Variants in CRPPA observed in about 807,000 individuals in gnomAD.
The protein encoded by CRPPA is CDP-L-ribitol pyrophosphorylase A.
A neutral mutation model predicts 52.0 loss-of-function variants in CRPPA; 43 were observed. The ratio of observed to expected loss-of-function variants is 0.83; its 90% CI spans 0.65 to 1.07. CRPPA has a LOEUF of 1.07. Ranked by LOEUF, CRPPA falls within the 50% of genes least tolerant of loss-of-function variation. The probability of loss-of-function intolerance (pLI) is 0.00; values close to 1 mark genes in which losing one functional copy is unlikely to be tolerated. For missense variants in CRPPA, 629 were observed against 551.7 expected (o/e 1.14, Z -1.40); for synonymous variants, 250 against 203.5 (o/e 1.23, Z -1.94).
rs191370986 is a variant in CRPPA, at chr7:16,180,902, A to C, written c.1251+35164T>G. 2.6e-5 allele frequency among the ~76,000 whole-genome samples: 4 copies of C among 152,158 alleles called. No homozygotes were observed. The East Asian group carries it at 7.7e-4, about 29-fold the overall frequency. On this transcript the variant is annotated intron_variant, in intron 9 of 9. Transcript: ENST00000407010. ...CTAAGATGGCTGAACTTGCATCTCC[A>C]AACTGCTATGGTGCCTTATTCTTGT...
chr7:16,199,854 CTTTTTTTTTTTT>C (rs68003825), intron 9 of CRPPA, among the ~76,000 whole-genome samples: 1 of 120,114 alleles, frequency 8.3e-6, no homozygotes, highest in Admixed American at 8.6e-5. Context: ...TAAGCTTTTT[CTTTTTTTTTTTT>C]TTTTTTTTGA....
intron 9 of CRPPA, among the ~76,000 whole-genome samples, chr7:16,116,733 A>G (rs1782383565): frequency 6.6e-6 from 1 of 150,454 alleles, no homozygotes; most frequent in South Asian, 2.1e-4. Flanking sequence ...ACAAACAAAC[A>G]TTCCAGAATA....
rs963093649 is a variant in CRPPA at position 16,260,960 on chromosome 7, T to C, written c.934-1948A>G. Among the ~76,000 whole-genome samples, 4 of 152,002 alleles carry C rather than the reference T, an allele frequency of 2.6e-5. No individual in the cohort carries two copies. In the East Asian group the frequency reaches 7.7e-4, roughly 29 times the overall value. ...AGAAAAATATCTTGTGTCAAGAAAA[T>C]AGTGTATGTTCTTAAAATGAACAAT... On this transcript the variant is annotated intron_variant, in intron 6 of 9. Transcript: ENST00000407010.
chr7:16,368,658 A>G (rs146526729), intron 3 of CRPPA, among the ~76,000 whole-genome samples: 1 of 152,346 alleles, frequency 6.6e-6, no homozygotes, highest in African/African-American at 2.4e-5. Context: ...ACACTCTAAC[A>G]TCAACAATTT....
At position 16,329,020 on chromosome 7, in the gene CRPPA, A is replaced by G. The variant is rs114357360; in HGVS notation, c.685-20393T>C. 5.4e-3 allele frequency among the ~76,000 whole-genome samples: 829 copies of G among 152,312 alleles called. 8 individuals carry two copies. The highest frequency in any genetic ancestry group is 0.018 in the African/African-American group (760 of 41,566). On this transcript the variant is annotated intron_variant, in intron 3 of 9. Coordinates refer to ENST00000407010, the MANE Select transcript of CRPPA (RefSeq NM_001101426.4). ...AAATCATTAAGACAAGTAACATACT[A>G]TAAGTCCACAATGGCAAAATTCATG...
chr7:16,412,407 C>T lies in CRPPA; in HGVS notation c.258-6070G>A, dbSNP rs79624565. The stretch of plus-strand genomic sequence containing the variant: ...AAGTAAATATGCATTTGTCACTGAG[C>T]CATGAGGCAAAAACGTAATTCTTGT... On this transcript the variant is annotated intron_variant, in intron 1 of 9. Transcript: ENST00000407010. Among the ~76,000 whole-genome samples the T allele has an allele frequency of 5.9e-4, 90 of 152,134 alleles. 1 individual carries two copies. The East Asian group carries it at 0.017, about 28-fold the overall frequency.
intron 9 of CRPPA, among the ~76,000 whole-genome samples, chr7:16,188,042 ATTTTTTT>A (rs34518390): frequency 1.7e-5 from 2 of 115,522 alleles, no homozygotes; most frequent in Non-Finnish European, 1.8e-5. Context: ...ATTTGGGTGA[ATTTTTTT>A]TTTTTTTTTT....
chr7:16,417,695 T>A (rs1293594518), intron 1 of CRPPA, among the ~76,000 whole-genome samples: 1 of 152,076 alleles, frequency 6.6e-6, no homozygotes, highest in East Asian at 1.9e-4. Flanking sequence ...ATTACATGGG[T>A]GATGGGATCA....
intron 9 of CRPPA, among the ~76,000 whole-genome samples, chr7:16,118,656 T>C (rs1381798665): frequency 6.6e-6 from 1 of 152,100 alleles, no homozygotes; most frequent in Non-Finnish European, 1.5e-5. Context: ...TCATTGATAG[T>C]TAAGATGAAT....
intron 6 of CRPPA, among the ~76,000 whole-genome samples, chr7:16,266,698 C>T (rs987779360): frequency 1.1e-4 from 17 of 152,036 alleles, no homozygotes; most frequent in Admixed American, 8.5e-4. Context: ...AGGCTGGTCT[C>T]GAACCTCTGA....
At chr7:16,317,778 A>C (rs759702255) in intron 3 of CRPPA, among the ~76,000 whole-genome samples, 4 of 152,160 alleles carry the variant, frequency 2.6e-5, no homozygotes, top group Admixed American at 6.5e-5. Flanking sequence ...AAATTGCTAA[A>C]TTATATGTGA....
chr7:16,264,577 A>G (rs983812990), intron 6 of CRPPA, among the ~76,000 whole-genome samples: 5 of 152,194 alleles, frequency 3.3e-5, no homozygotes, highest in Non-Finnish European at 7.3e-5. Flanking sequence ...TTTTGGTTCA[A>G]TTCCCATGAG....
At chr7:16,107,660 G>A (rs1267427103) in intron 9 of CRPPA, among the ~76,000 whole-genome samples, 1 of 151,530 alleles carries the variant, frequency 6.6e-6, no homozygotes, top group Non-Finnish European at 1.5e-5. Flanking sequence ...TTAATAATAT[G>A]AACTATAAAA....
intron 3 of CRPPA, among the ~76,000 whole-genome samples, chr7:16,316,445 T>C (rs1180071251): frequency 6.6e-6 from 1 of 152,200 alleles, no homozygotes; most frequent in Non-Finnish European, 1.5e-5. Flanking sequence ...ACATGTTATA[T>C]TCCTGAAAAA....
At chr7:16,135,457 A>T (rs1782746568) in intron 9 of CRPPA, among the ~76,000 whole-genome samples, 1 of 152,170 alleles carries the variant, frequency 6.6e-6, no homozygotes, top group South Asian at 2.1e-4. Flanking sequence ...GCTGGCAGCA[A>T]TTAGACCCAA....
chr7:16,133,730 T>G (rs1782717160), intron 9 of CRPPA, among the ~76,000 whole-genome samples: 1 of 124,448 alleles, frequency 8.0e-6, no homozygotes, highest in Admixed American at 8.1e-5. Flanking sequence ...CTCAAAAAGT[T>G]AAGAAAAGTC....
chr7:16,259,386 A>C (rs1393421194), intron 6 of CRPPA, among the ~76,000 whole-genome samples: 17 of 152,016 alleles, frequency 1.1e-4, no homozygotes, highest in Non-Finnish European at 2.2e-4. Flanking sequence ...GGAAGCACAT[A>C]ACACAGTTTT....
intron 5 of CRPPA, among the ~76,000 whole-genome samples, chr7:16,296,723 A>G (rs1369248553): frequency 6.6e-6 from 1 of 152,190 alleles, no homozygotes; most frequent in Non-Finnish European, 1.5e-5. Context: ...ACAATTAAAC[A>G]GTACCCCAAA....
chr7:16,396,808 G>A (rs1035918485), intron 2 of CRPPA, among the ~76,000 whole-genome samples: 2 of 152,354 alleles, frequency 1.3e-5, no homozygotes, highest in East Asian at 3.9e-4. Flanking sequence ...AACTAAAGAT[G>A]TGTGGCATGT....
Sources: allele counts gnomAD v4.1 joint callset (sites outside exome capture counted in the v4.1 genomes callset), GRCh38; gene constraint gnomAD v4.1.1; transcripts MANE v1.5; gene names NCBI Gene and HGNC (gene_info 2026-07-23, HGNC 2026-07-21).